The following RFC2 variants were observed in gnomAD, a reference collection of about 807,000 sequenced individuals.
The protein encoded by RFC2 is replication factor C subunit 2, also known as A1 40 kDa subunit.
Under a neutral mutation model 44.8 loss-of-function variants are expected in RFC2, and 34 were observed. The observed-to-expected ratio is 0.76, with a 90% CI of 0.58 to 1.01. The LOEUF is 1.01. Among genes scored for constraint, RFC2 ranks in the 50% least tolerant of loss-of-function variants. The pLI, the probability that RFC2 is intolerant of heterozygous loss-of-function variation, is 0.00. For synonymous variants in RFC2, 177 were observed against 168.9 expected (o/e 1.05, Z -0.37); for missense variants, 400 against 453.6 (o/e 0.88, Z 1.07).
At position 74,238,376 on chromosome 7, in the gene RFC2, A is replaced by G. The variant is rs575909096; in HGVS notation, c.759+547T>C. 3.2e-4 allele frequency among the ~76,000 whole-genome samples: 49 copies of G among 152,220 alleles called. No homozygotes were observed. The South Asian group carries it at 9.1e-3, about 28-fold the overall frequency. On this transcript the variant is annotated intron_variant, in intron 8 of 10. Coordinates refer to ENST00000055077, the MANE Select transcript of RFC2 (RefSeq NM_181471.3). This position sits in a 1 kb window ranked among gnomAD's most constrained non-coding sequence, Gnocchi z 4.0. ...GGAAGCAGTTTTCAAAAGAATTCCCAAGAGAAAAATGTTTTGCTGACATGG... is the reference window on the plus strand; with the variant it reads ...GGAAGCAGTTTTCAAAAGAATTCCCGAGAGAAAAATGTTTTGCTGACATGG...
intron 1 of RFC2, among the ~76,000 whole-genome samples, chr7:74,253,204 T>C (rs1787069079): frequency 6.6e-6 from 1 of 151,360 alleles, no homozygotes; most frequent in African/African-American, 2.4e-5. Flanking sequence ...TCTCATCCCT[T>C]ACCTGCCAGT....
rs369462723 is a variant in RFC2 at position 74,252,444 on chromosome 7, G to C, written c.168C>G (p.Thr56=). The change falls in exon 2 of 11, where the codon ACC becomes ACG. Residue 56 remains threonine (T), a synonymous_variant. Coordinates refer to ENST00000055077, the MANE Select transcript of RFC2 (RefSeq NM_181471.3). Reference sequence around the variant, plus strand: ...AGCCACTCACCTCTAGCCTGCTCACGGTGTCTTCATTCCCGACAATTTCAT... The same window carrying C: ...AGCCACTCACCTCTAGCCTGCTCACCGTGTCTTCATTCCCGACAATTTCAT... ...KLNEIVGNED[T]VSRLEVFARE... is the part of the protein sequence containing the mutation. 1.9e-6 allele frequency: 3 copies of C among 1,599,478 alleles called. No individual in the cohort carries two copies. In the Admixed American group the frequency reaches 5.0e-5, roughly 27 times the overall value.
In RFC2 at chr7:74,249,060, C is replaced by T. The variant is rs782572331; in HGVS notation, c.284G>A (p.Gly95Asp). Reference sequence around the variant, plus strand: ...CAACATGGCATCTTTGAGTGCTGGGCCCAGCAGGGCCCGGGCCAAGCACAG... The same window carrying T: ...CAACATGGCATCTTTGAGTGCTGGGTCCAGCAGGGCCCGGGCCAAGCACAG... ...SILCLARALL[G>D]PALKDAMLEL... The change falls in exon 4 of 11, where the codon GGC becomes GAC. Residue 95 changes from glycine (G) to aspartate (D), a missense_variant. Physicochemically the swap from Gly to Asp is moderately conservative, Grantham distance 94. Coordinates refer to ENST00000055077, the MANE Select transcript of RFC2 (RefSeq NM_181471.3). The T allele has an allele frequency of 5.6e-6, 9 of 1,614,016 alleles. No homozygotes were observed. The highest frequency in any genetic ancestry group is 1.7e-4 in the Middle Eastern group (1 of 6,050).
chr7:74,240,927 GTTTC>G (rs1554719206), intron 6 of RFC2, among the ~76,000 whole-genome samples: 1 of 151,032 alleles, frequency 6.6e-6, no homozygotes, highest in South Asian at 2.1e-4. Context: ...TGCCTGGCCA[GTTTC>G]TTTCTTTCTT....
At position 74,243,373 on chromosome 7, in the gene RFC2, C is replaced by T; in HGVS notation, c.435-127G>A. On this transcript the variant is annotated intron_variant, in intron 5 of 10. Transcript: ENST00000055077. ...AAATGAGGGTCTCATTGGAAGTACG[C>T]AGGCCATCCCTCTAATGCTAACACC... 6.1e-6 allele frequency: 4 copies of T among 659,450 alleles called. No individual in the cohort carries two copies. The East Asian group carries it at 8.0e-5, about 13-fold the overall frequency. The allele number at this position is 659,450 out of a possible 1,614,324, so 40.8% of individuals were successfully genotyped here. A position where few individuals can be genotyped will look rare whatever the true frequency, so the allele number is the denominator to read the frequency against.
At chr7:74,245,881 C>T (rs1554719925) in intron 5 of RFC2, among the ~76,000 whole-genome samples, 1 of 151,346 alleles carries the variant, frequency 6.6e-6, no homozygotes. Flanking sequence ...GCCAACATGG[C>T]GAAACCCCAT....
intron 3 of RFC2, 101 bp from the exon 4 acceptor site, chr7:74,249,219 C>T (rs782328560): frequency 6.3e-7 from 1 of 1,575,870 alleles, no homozygotes; most frequent in Non-Finnish European, 8.6e-7. Flanking sequence ...CACCTCTGAC[C>T]CCTGCATTCC....
intron 2 of RFC2, among the ~76,000 whole-genome samples, chr7:74,251,239 C>T (rs1786920955): frequency 6.6e-6 from 1 of 152,158 alleles, no homozygotes; most frequent in African/African-American, 2.4e-5. Context: ...CAGCGTCAAA[C>T]TCCTGGGCTC....
At chr7:74,237,000 T>G (rs1303854419) in intron 9 of RFC2, among the ~76,000 whole-genome samples, 1 of 152,044 alleles carries the variant, frequency 6.6e-6, no homozygotes, top group Non-Finnish European at 1.5e-5. Flanking sequence ...ACACAGTGAT[T>G]TAGGACAAGG....
At chr7:74,249,304 G>A in intron 3 of RFC2, 186 bp from the exon 4 acceptor site, 1 of 1,040,466 alleles carries the variant, frequency 9.6e-7, no homozygotes, top group Non-Finnish European at 1.4e-6. Flanking sequence ...ACTTTGGGAG[G>A]CCAAGGCGGG....
At chr7:74,237,777 G>T (rs1803106965) in intron 8 of RFC2, among the ~76,000 whole-genome samples, 1 of 152,102 alleles carries the variant, frequency 6.6e-6, no homozygotes, top group Admixed American at 6.6e-5. Flanking sequence ...GAACCACTTG[G>T]AATTCACTTT....
chr7:74,239,848 C>T (rs1365525374), intron 7 of RFC2, 90 bp downstream of exon 7: 46 of 1,245,466 alleles, frequency 3.7e-5, no homozygotes, highest in Non-Finnish European at 4.9e-5. Context: ...CTTGTTGTAC[C>T]TTGTGCAGCT....
At chr7:74,242,623 G>C (rs1803395793) in intron 6 of RFC2, among the ~76,000 whole-genome samples, 1 of 151,756 alleles carries the variant, frequency 6.6e-6, no homozygotes, top group Non-Finnish European at 1.5e-5. Flanking sequence ...CAGCGCTAAA[G>C]AGCCAAGGCG....
rs936755884 is a variant in RFC2, at chr7:74,235,788, T to C, written c.841-143A>G. ...CTGATTTTCATGGCAGATAGAGAGA[T>C]AACATTGCAAATGTATTGTTGTTTT... On this transcript the variant is annotated intron_variant, in intron 9 of 10. Transcript: ENST00000055077. 4.2e-5 allele frequency: 27 copies of C among 636,732 alleles called. No individual in the cohort carries two copies. The East Asian group carries it at 7.0e-4, about 16-fold the overall frequency. 39.4% of individuals were successfully genotyped at this position (636,732 alleles called of 1,614,324 possible).
intron 9 of RFC2, among the ~76,000 whole-genome samples, chr7:74,235,919 A>G (rs1554718259): frequency 6.6e-6 from 1 of 152,154 alleles, no homozygotes; most frequent in East Asian, 1.9e-4. Context: ...TCGACCTCCA[A>G]AAGTGCTGGG....
rs527783643 is a variant in RFC2 at position 74,246,202 on chromosome 7, A to T, written c.434+460T>A. Among the ~76,000 whole-genome samples the T allele has an allele frequency of 1.7e-3, 257 of 148,922 alleles. 1 individual carries two copies. The highest frequency in any genetic ancestry group is 1.7e-3 in the South Asian group (8 of 4,814). ...CAGAGCGAGACTCTGTCTCAAAAAA[A>T]AAATAAATAAATAAATACAAATACA... On this transcript the variant is annotated intron_variant, in intron 5 of 10. Transcript: ENST00000055077.
intron 2 of RFC2, among the ~76,000 whole-genome samples, chr7:74,250,647 C>T (rs1554720914): frequency 2.0e-5 from 3 of 152,144 alleles, no homozygotes; most frequent in Non-Finnish European, 2.9e-5. Flanking sequence ...TCCATCCCTT[C>T]TCTCCATCCC....
chr7:74,243,785 C>A (rs762051204), intron 5 of RFC2, among the ~76,000 whole-genome samples: 1 of 150,018 alleles, frequency 6.7e-6, no homozygotes, highest in Non-Finnish European at 1.5e-5. Flanking sequence ...CAAAGTAAGA[C>A]CTCTATTTCT....
chr7:74,254,148 C>T (rs1787139167), intron 1 of RFC2, 123 bp downstream of exon 1: 2 of 728,430 alleles, frequency 2.7e-6, no homozygotes, highest in Non-Finnish European at 4.9e-6. Flanking sequence ...CCACCCGGGG[C>T]CTCCTCCTCC....
Sources: gnomAD v4.1 joint callset for allele counts (sites outside exome capture counted in the v4.1 genomes callset) on GRCh38, gnomAD v4.1.1 for gene constraint, Gnocchi (gnomAD v3.1) non-coding constraint, MANE v1.5 for transcripts, NCBI Gene and HGNC (gene_info 2026-07-23, HGNC 2026-07-21) for gene names.